Variants in MAN1A2 observed in about 807,000 individuals in gnomAD.
MAN1A2 encodes the protein mannosyl-oligosaccharide 1,2-alpha-mannosidase IB.
A neutral mutation model predicts 75.7 loss-of-function variants in MAN1A2; 26 were observed. The observed-to-expected ratio is 0.34, with a 90% CI of 0.25 to 0.48. The LOEUF (loss-of-function observed/expected upper bound fraction) is 0.48. Among genes scored for constraint, MAN1A2 ranks in the 20% least tolerant of loss-of-function variants. The probability of loss-of-function intolerance (pLI) is 0.99; values close to 1 mark genes in which losing one functional copy is unlikely to be tolerated. For synonymous variants in MAN1A2, 247 were observed against 264.6 expected, an observed-to-expected ratio of 0.93 and a Z score of 0.65; for missense variants, 562 against 775.5, an observed-to-expected ratio of 0.72 and a Z score of 3.27.
intron 3 of MAN1A2, among the ~76,000 whole-genome samples, chr1:117,413,604 C>G (rs1016567756): frequency 6.6e-6 from 1 of 151,698 alleles, no homozygotes; most frequent in Non-Finnish European, 1.5e-5. Context: ...TTGATACTTT[C>G]TGTTGTAGAG....
chr1:117,511,494 A>T (rs1032317085), intron 12 of MAN1A2, among the ~76,000 whole-genome samples: 10 of 151,354 alleles, frequency 6.6e-5, no homozygotes, highest in African/African-American at 2.4e-5. Flanking sequence ...TTTTTTTTTT[A>T]ATCTATCTTC....
At chr1:117,495,888 C>T (rs1651024099) in intron 9 of MAN1A2, among the ~76,000 whole-genome samples, 1 of 151,956 alleles carries the variant, frequency 6.6e-6, no homozygotes, top group Non-Finnish European at 1.5e-5. Flanking sequence ...AGCCACCTCT[C>T]ATTCCCCAAC....
At chr1:117,502,744 A>G (rs1651239765) in intron 11 of MAN1A2, 111 bp from the exon 12 acceptor site, 2 of 653,888 alleles carry the variant, frequency 3.1e-6, no homozygotes, top group Non-Finnish European at 5.4e-6. Context: ...TAAGCCATCA[A>G]ATTTTCATAC....
chr1:117,389,559 G>A (rs1444609746), intron 1 of MAN1A2, among the ~76,000 whole-genome samples: 4 of 152,134 alleles, frequency 2.6e-5, no homozygotes, highest in Non-Finnish European at 5.9e-5. Flanking sequence ...TCTGTGGCCT[G>A]GGGGTTGGGG....
intron 6 of MAN1A2, among the ~76,000 whole-genome samples, chr1:117,459,995 A>G (rs991916461): frequency 6.6e-6 from 1 of 151,644 alleles, no homozygotes; most frequent in Non-Finnish European, 1.5e-5. Flanking sequence ...GCTCCCACAC[A>G]TTTTCATGTG....
chr1:117,462,988 A>G (rs547441509), intron 7 of MAN1A2, among the ~76,000 whole-genome samples: 1 of 152,186 alleles, frequency 6.6e-6, no homozygotes, highest in East Asian at 1.9e-4. Flanking sequence ...ATATATATGT[A>G]TATTCCTTTC....
Position 117,372,783 on chromosome 1 carries a change from A to G in MAN1A2, c.302+4298A>G, listed in dbSNP as rs1169140907. Among the ~76,000 whole-genome samples the G allele has an allele frequency of 5.4e-5, 8 of 148,532 alleles. No individual in the cohort carries two copies. In the East Asian group the frequency reaches 1.5e-3, roughly 29 times the overall value. On this transcript the variant is annotated intron_variant, in intron 1 of 12. Coordinates refer to ENST00000356554, the MANE Select transcript of MAN1A2 (RefSeq NM_006699.5). The stretch of plus-strand genomic sequence containing the variant: ...TTTTTAAAACTGACATTTGTTTTAT[A>G]TAATGGCATTTATAGATGGGCTTTG...
intron 12 of MAN1A2, among the ~76,000 whole-genome samples, chr1:117,511,255 C>A (rs1651525697): frequency 6.6e-6 from 1 of 152,102 alleles, no homozygotes; most frequent in Non-Finnish European, 1.5e-5. Context: ...CCTCCCTCTA[C>A]ATATGGGGAT....
At chr1:117,483,425 T>C in intron 8 of MAN1A2, among the ~76,000 whole-genome samples, 1 of 151,856 alleles carries the variant, frequency 6.6e-6, no homozygotes. Flanking sequence ...TGAGCAGTGG[T>C]TTGTAGTTCC....
chr1:117,393,054 A>G (rs1474187287), intron 1 of MAN1A2, among the ~76,000 whole-genome samples: 6 of 152,202 alleles, frequency 3.9e-5, no homozygotes, highest in South Asian at 2.1e-4. Context: ...ATGTGATACA[A>G]TTTGTCTTGT....
At chr1:117,466,718 T>C (rs1229005826) in intron 8 of MAN1A2, among the ~76,000 whole-genome samples, 1 of 152,138 alleles carries the variant, frequency 6.6e-6, no homozygotes, top group Non-Finnish European at 1.5e-5. Context: ...TAATAAATTA[T>C]ATCTTCATGT....
At chr1:117,427,210 GA>G (rs1648404563) in intron 5 of MAN1A2, among the ~76,000 whole-genome samples, 1 of 151,850 alleles carries the variant, frequency 6.6e-6, no homozygotes. Flanking sequence ...AGGTAACCCA[GA>G]TACTGGCATT....
intron 5 of MAN1A2, among the ~76,000 whole-genome samples, chr1:117,439,494 C>T (rs1292992778): frequency 6.7e-6 from 1 of 148,714 alleles, no homozygotes; most frequent in Non-Finnish European, 1.5e-5. Flanking sequence ...ATTGTGTTGT[C>T]TTACTTTTTT....
intron 6 of MAN1A2, among the ~76,000 whole-genome samples, chr1:117,448,309 G>A (rs554628847): frequency 1.1e-4 from 17 of 152,204 alleles, no homozygotes; most frequent in South Asian, 6.2e-4. Context: ...TATAATATCC[G>A]TAATCCAATC....
At chr1:117,437,192 G>T (rs1179655559) in intron 5 of MAN1A2, among the ~76,000 whole-genome samples, 3 of 152,112 alleles carry the variant, frequency 2.0e-5, no homozygotes, top group African/African-American at 7.2e-5. Flanking sequence ...AGATTGAGAG[G>T]TTTCAGAGAA....
At chr1:117,427,169 T>C (rs1206584081) in intron 5 of MAN1A2, among the ~76,000 whole-genome samples, 3 of 150,272 alleles carry the variant, frequency 2.0e-5, no homozygotes, top group African/African-American at 4.9e-5. Context: ...TTTTTTTTTT[T>C]CCAAAAGTCA....
chr1:117,437,204 A>G (rs1010207346), intron 5 of MAN1A2, among the ~76,000 whole-genome samples: 3 of 152,228 alleles, frequency 2.0e-5, no homozygotes, highest in Non-Finnish European at 4.4e-5. Context: ...TTCAGAGAAT[A>G]TTTGGAAGAA....
intron 5 of MAN1A2, among the ~76,000 whole-genome samples, chr1:117,428,638 CACTT>C (rs892112965): frequency 1.8e-4 from 28 of 151,804 alleles, no homozygotes; most frequent in Non-Finnish European, 3.5e-4. Flanking sequence ...AAAAAAGACA[CACTT>C]AATAGAGAGG....
chr1:117,398,826 G>A (rs951916185), intron 1 of MAN1A2, among the ~76,000 whole-genome samples: 2 of 152,088 alleles, frequency 1.3e-5, no homozygotes, highest in Non-Finnish European at 2.9e-5. Context: ...TAGGATAAGG[G>A]AAGCCATGAA....
Sources: gnomAD v4.1 joint callset for allele counts (sites outside exome capture counted in the v4.1 genomes callset) on GRCh38, gnomAD v4.1.1 for gene constraint, MANE v1.5 for transcripts, NCBI Gene and HGNC (gene_info 2026-07-23, HGNC 2026-07-21) for gene names.